Variants in RAB7A observed in about 807,000 individuals in gnomAD.
The protein encoded by RAB7A is ras-related protein Rab-7a.
A neutral mutation model predicts 24.5 loss-of-function variants in RAB7A; 2 were observed. That is an observed-to-expected ratio of 0.08 (90% confidence interval 0.03 to 0.26). The LOEUF (loss-of-function observed/expected upper bound fraction) is 0.26, where lower values mean the gene tolerates loss of function less well. Ranked by LOEUF, RAB7A falls within the 10% of genes least tolerant of loss-of-function variation. The pLI, the probability that RAB7A is intolerant of heterozygous loss-of-function variation, is 1.00. For missense variants in RAB7A, 118 were observed against 255.7 expected (o/e 0.46, Z 3.67); for synonymous variants, 100 against 95.9 (o/e 1.04, Z -0.25).
At chr3:128,784,702 C>T (rs1933299607) in intron 1 of RAB7A, among the ~76,000 whole-genome samples, 1 of 152,184 alleles carries the variant, frequency 6.6e-6, no homozygotes, top group South Asian at 2.1e-4. Context: ...CCTTTTCCCC[C>T]TTCATATCCA....
At chr3:128,727,649 T>A (rs1230312800) in intron 1 of RAB7A, among the ~76,000 whole-genome samples, 2 of 152,226 alleles carry the variant, frequency 1.3e-5, no homozygotes, top group African/African-American at 4.8e-5. Flanking sequence ...CTAGTGAACC[T>A]TTCTTACAAC....
intron 1 of RAB7A, among the ~76,000 whole-genome samples, chr3:128,739,655 A>G (rs2070530089): frequency 6.6e-6 from 1 of 152,238 alleles, no homozygotes; most frequent in South Asian, 2.1e-4. Flanking sequence ...CTTTTTAAAA[A>G]TTTAACCATA....
chr3:128,743,485 C>T (rs2070576847), intron 1 of RAB7A, among the ~76,000 whole-genome samples: 2 of 152,208 alleles, frequency 1.3e-5, no homozygotes, highest in Admixed American at 1.3e-4. Context: ...CTCACTGGGA[C>T]CACAGGTGTG....
intron 5 of RAB7A, among the ~76,000 whole-genome samples, chr3:128,810,268 T>C (rs73198868): frequency 0.041 from 6,313 of 152,136 alleles, 179 homozygotes; most frequent in Non-Finnish European, 0.058. Flanking sequence ...TTTTTAATAA[T>C]TTTGTTTCCA....
At chr3:128,780,904 A>G (rs1469593799) in intron 1 of RAB7A, among the ~76,000 whole-genome samples, 2 of 152,204 alleles carry the variant, frequency 1.3e-5, no homozygotes, top group Non-Finnish European at 2.9e-5. Flanking sequence ...TTTTTCTTCT[A>G]ACAAAGGGCA....
chr3:128,787,100 G>C (rs753074443), intron 1 of RAB7A, among the ~76,000 whole-genome samples: 1 of 152,062 alleles, frequency 6.6e-6, no homozygotes, highest in Non-Finnish European at 1.5e-5. Flanking sequence ...TCATTCTTTC[G>C]TACCTTCCTG....
intron 1 of RAB7A, 37 bp from the exon 2 acceptor site, chr3:128,795,323 A>G (rs1472830377): frequency 2.6e-6 from 4 of 1,566,188 alleles, no homozygotes; most frequent in East Asian, 2.2e-5. Context: ...TGGTGTTTCC[A>G]TCACACTCAC....
intron 5 of RAB7A, among the ~76,000 whole-genome samples, chr3:128,810,668 C>G (rs1933904467): frequency 1.3e-5 from 2 of 152,232 alleles, no homozygotes; most frequent in South Asian, 4.1e-4. Context: ...GGTCCCCATC[C>G]TGCAACCTCA....
At chr3:128,811,986 G>A (rs1933937019) in intron 5 of RAB7A, among the ~76,000 whole-genome samples, 1 of 152,172 alleles carries the variant, frequency 6.6e-6, no homozygotes, top group Non-Finnish European at 1.5e-5. Flanking sequence ...TGGTTGCTGG[G>A]TCCAGGATGG....
At chr3:128,743,024 G>A (rs1373007596) in intron 1 of RAB7A, among the ~76,000 whole-genome samples, 1 of 152,216 alleles carries the variant, frequency 6.6e-6, no homozygotes, top group Non-Finnish European at 1.5e-5. Flanking sequence ...CCCACCGCAG[G>A]AGGGCTCGGG....
Position 128,806,537 on chromosome 3 carries a change from G to A in RAB7A, c.346G>A (p.Glu116Lys). The A allele has an allele frequency of 5.0e-6, 8 of 1,614,136 alleles. No individual in the cohort carries two copies. The highest frequency in any genetic ancestry group is 5.9e-6 in the Non-Finnish European group (7 of 1,180,008). Reference protein sequence around the residue: ...FLIQASPRDPENFPFVVLGNK... With the variant: ...FLIQASPRDPKNFPFVVLGNK... Reference sequence around the variant, plus strand: ...CATCCAGGCCAGTCCCCGAGATCCTGAAAACTTCCCATTTGTTGTGTTGGG... The same window carrying A: ...CATCCAGGCCAGTCCCCGAGATCCTAAAAACTTCCCATTTGTTGTGTTGGG... Residue 116 changes from glutamate (E) to lysine (K), a missense_variant, in exon 4 of 6, where the codon GAA (glutamate) becomes AAA (lysine). Glu to Lys is a moderately conservative substitution (Grantham distance 56). This residue lies in a region of RAB7A where 52 missense variants were observed against 173.5 expected (regional missense o/e 0.30). Coordinates refer to ENST00000265062, the MANE Select transcript of RAB7A (RefSeq NM_004637.6).
chr3:128,813,585 T>TCACACACA lies in RAB7A; in HGVS notation c.*173_*180dup, dbSNP rs3830294. 4.8e-6 allele frequency: 3 copies of TCACACACA among 630,158 alleles called. No individual in the cohort carries two copies. The South Asian group carries it at 4.8e-5, about 10-fold the overall frequency. 39.0% of individuals were successfully genotyped at this position (630,158 alleles called of 1,614,324 possible). On this transcript the variant is annotated 3_prime_UTR_variant, in exon 6 of 6. Transcript: ENST00000265062. ...AACACAGTTACACCCCACATATCTC[T>TCACACACA]CACACACACACACACACGCACACAC...
chr3:128,740,897 C>CAAAA (rs59043831), intron 1 of RAB7A, among the ~76,000 whole-genome samples: 1 of 79,568 alleles, frequency 1.3e-5, no homozygotes, highest in Non-Finnish European at 2.8e-5. Flanking sequence ...GGAGATGTCT[C>CAAAA]AAAAAAAAAA....
At chr3:128,742,429 C>G (rs947952560) in intron 1 of RAB7A, among the ~76,000 whole-genome samples, 47 of 152,176 alleles carry the variant, frequency 3.1e-4, no homozygotes, top group Admixed American at 3.0e-3. Flanking sequence ...CTTTTATTCC[C>G]TTATCTGATC....
chr3:128,766,432 C>T (rs1229378561), intron 1 of RAB7A, among the ~76,000 whole-genome samples: 1 of 152,154 alleles, frequency 6.6e-6, no homozygotes, highest in East Asian at 1.9e-4. Flanking sequence ...GGACAGAAGG[C>T]ATAAAATTGG....
In RAB7A at chr3:128,813,796, T is replaced by G. The variant is rs1013921506; in HGVS notation, c.*374T>G. On this transcript the variant is annotated 3_prime_UTR_variant, in exon 6 of 6. Coordinates refer to ENST00000265062, the MANE Select transcript of RAB7A (RefSeq NM_004637.6). ...TTCACTGGAGAGAGAGAGAACTGTTTACAGTTAATCTGTGTCTAATTATCT... is the reference window on the plus strand; with the variant it reads ...TTCACTGGAGAGAGAGAGAACTGTTGACAGTTAATCTGTGTCTAATTATCT... 3 of 334,658 alleles carry G rather than the reference T, an allele frequency of 9.0e-6. No homozygotes were observed. The highest frequency in any genetic ancestry group is 6.4e-5 in the African/African-American group (3 of 46,818). 20.7% of individuals were successfully genotyped at this position (334,658 alleles called of 1,614,324 possible).
intron 1 of RAB7A, among the ~76,000 whole-genome samples, chr3:128,789,791 CT>C (rs1214389169): frequency 0.028 from 3,691 of 133,376 alleles, 111 homozygotes; most frequent in African/African-American, 0.089. Context: ...TTGTTCCTGG[CT>C]TTTTTTTTTT....
At chr3:128,809,972 G>A (rs1288854947) in intron 5 of RAB7A, among the ~76,000 whole-genome samples, 4 of 34,764 alleles carry the variant, frequency 1.2e-4, no homozygotes, top group African/African-American at 4.7e-4. Flanking sequence ...TTTTTGAGAC[G>A]GAGTCTTGCT....
At position 128,814,418 on chromosome 3, in the gene RAB7A, T is replaced by C. The variant is rs1156776444; in HGVS notation, c.*996T>C. The C allele has an allele frequency of 3.3e-5, 5 of 152,598 alleles. No homozygotes were observed. The highest frequency in any genetic ancestry group is 1.3e-4 in the Admixed American group (2 of 15,278). The allele number at this position is 152,598 out of a possible 1,614,324, so 9.5% of individuals were successfully genotyped here. A position where few individuals can be genotyped will look rare whatever the true frequency, so the allele number is the denominator to read the frequency against. ...AAAATTCTCATTTTCTTTCTTTTTTTTCCCCCCTGCTCCACACTTCAAAAC... is the reference window on the plus strand; with the variant it reads ...AAAATTCTCATTTTCTTTCTTTTTTCTCCCCCCTGCTCCACACTTCAAAAC... On this transcript the variant is annotated 3_prime_UTR_variant, in exon 6 of 6. Coordinates refer to ENST00000265062, the MANE Select transcript of RAB7A (RefSeq NM_004637.6).
Sources: allele counts gnomAD v4.1 joint callset (sites outside exome capture counted in the v4.1 genomes callset), GRCh38; gene constraint gnomAD v4.1.1; regional missense constraint gnomAD v4.1.1; transcripts MANE v1.5; gene names NCBI Gene and HGNC (gene_info 2026-07-23, HGNC 2026-07-21).